Variants in VTI1A observed in about 807,000 individuals in gnomAD.
The protein encoded by VTI1A is vesicle transport through interaction with t-SNAREs homolog 1A.
In VTI1A, 22 loss-of-function variants were observed where a neutral mutation model predicts 34.9. The ratio of observed to expected loss-of-function variants is 0.63; its 90% CI spans 0.45 to 0.90. The LOEUF (loss-of-function observed/expected upper bound fraction) is 0.90, where lower values mean the gene tolerates loss of function less well. Among genes scored for constraint, VTI1A ranks in the 40% least tolerant of loss-of-function variants. VTI1A has a pLI of 0.00. For synonymous variants in VTI1A, 87 were observed against 97.3 expected, an observed-to-expected ratio of 0.89 and a Z score of 0.62; for missense variants, 268 against 275.6, an observed-to-expected ratio of 0.97 and a Z score of 0.20.
chr10:112,847,646 G>A, the VTI1A span, among the ~76,000 whole-genome samples: 1 of 152,186 alleles, frequency 6.6e-6, no homozygotes, highest in Non-Finnish European at 1.5e-5. Context: ...CCTTCTTGCT[G>A]CCAAGAAAGA....
At chr10:112,496,939 A>G (rs1849046400) in intron 3 of VTI1A, among the ~76,000 whole-genome samples, 1 of 152,232 alleles carries the variant, frequency 6.6e-6, no homozygotes, top group Admixed American at 6.5e-5. Flanking sequence ...CAAGCTAGCT[A>G]TTCTTTCTTT....
At chr10:112,738,018 A>T (rs1850559099) in intron 7 of VTI1A, 1 of 487,484 alleles carries the variant, frequency 2.1e-6, no homozygotes, top group Non-Finnish European at 2.7e-6. Flanking sequence ...TGTCTGGTTA[A>T]TGAAGTTTGG....
intron 5 of VTI1A, among the ~76,000 whole-genome samples, chr10:112,541,882 G>T (rs964085513): frequency 6.6e-6 from 1 of 152,182 alleles, no homozygotes; most frequent in Non-Finnish European, 1.5e-5. Context: ...TATTGATGAA[G>T]CTACAAGTTA....
In VTI1A at chr10:112,513,529, G is replaced by A. The variant is rs552117946; in HGVS notation, c.265-13558G>A. 3.9e-5 allele frequency among the ~76,000 whole-genome samples: 6 copies of A among 151,948 alleles called. No individual in the cohort carries two copies. In the East Asian group the frequency reaches 1.2e-3, roughly 29 times the overall value. On this transcript the variant is annotated intron_variant, in intron 3 of 7. Coordinates refer to ENST00000393077, the MANE Select transcript of VTI1A (RefSeq NM_145206.4). ...CTTTTCTGTTAGGATTCCTTTAATT[G>A]TTGTCTCTTGCCTAATTGCTGTGGC...
intron 5 of VTI1A, among the ~76,000 whole-genome samples, chr10:112,629,527 C>A (rs1188309950): frequency 6.6e-6 from 1 of 152,176 alleles, no homozygotes; most frequent in Non-Finnish European, 1.5e-5. Flanking sequence ...GTTAGGCTTC[C>A]CTTAGGAAGG....
intron 3 of VTI1A, among the ~76,000 whole-genome samples, chr10:112,494,443 T>A (rs1444795597): frequency 2.6e-5 from 4 of 152,200 alleles, no homozygotes; most frequent in Non-Finnish European, 5.9e-5. Context: ...GCTCTTCTTT[T>A]TCTAGCTTCT....
intron 4 of VTI1A, among the ~76,000 whole-genome samples, chr10:112,537,827 C>G (rs1049614936): frequency 6.6e-6 from 1 of 152,174 alleles, no homozygotes; most frequent in Non-Finnish European, 1.5e-5. Context: ...AAATTTCTAT[C>G]TGCAAGAATC....
intron 4 of VTI1A, among the ~76,000 whole-genome samples, chr10:112,530,022 G>A (rs554395414): frequency 1.4e-3 from 220 of 152,072 alleles, no homozygotes; most frequent in Non-Finnish European, 2.5e-3. Context: ...AAACATTTCT[G>A]CCATGATTAG....
At chr10:112,809,347 C>T (rs1430393446) in intron 7 of VTI1A, among the ~76,000 whole-genome samples, 1 of 152,226 alleles carries the variant, frequency 6.6e-6, no homozygotes, top group Non-Finnish European at 1.5e-5. Flanking sequence ...AAAGAGCTTT[C>T]CCTTGGCCCA....
chr10:112,638,349 A>T (rs1052995327), intron 5 of VTI1A, among the ~76,000 whole-genome samples: 4 of 152,240 alleles, frequency 2.6e-5, no homozygotes, highest in Non-Finnish European at 4.4e-5. Context: ...ATATGCTGAA[A>T]TGTTCAAAAG....
intron 3 of VTI1A, 108 bp from the exon 4 acceptor site, chr10:112,526,979 C>T (rs1007079660): frequency 5.3e-5 from 52 of 989,442 alleles, no homozygotes; most frequent in African/African-American, 1.6e-4. Flanking sequence ...AATAGGTTTC[C>T]ATTAGGGGGC....
At chr10:112,529,244 A>G (rs1277507973) in intron 4 of VTI1A, among the ~76,000 whole-genome samples, 2 of 152,160 alleles carry the variant, frequency 1.3e-5, no homozygotes, top group African/African-American at 4.8e-5. Context: ...AAGTTCAAAG[A>G]GACCACACTG....
At chr10:112,814,451 G>A (rs1853436412) in intron 7 of VTI1A, among the ~76,000 whole-genome samples, 1 of 152,160 alleles carries the variant, frequency 6.6e-6, no homozygotes, top group African/African-American at 2.4e-5. Context: ...GCATTCTGAT[G>A]TTCGACCTCT....
At position 112,668,254 on chromosome 10, in the gene VTI1A, A is replaced by G. The variant is rs753582779; in HGVS notation, c.464A>G (p.His155Arg). 22 of 1,612,604 alleles carry G rather than the reference A, an allele frequency of 1.4e-5. No homozygotes were observed. The South Asian group carries it at 1.9e-4, about 14-fold the overall frequency. The stretch of plus-strand genomic sequence containing the variant: ...CAGGAGATGTTGGAAAACCTTAGTC[A>G]TGACAGAGAAAAGATACAGCGAGCA... ...IGQEMLENLS[H>R]DREKIQRARE... Residue 155 changes from histidine to arginine, a missense_variant, in exon 6 of 8, where the codon CAT (histidine) becomes CGT (arginine). By Grantham distance (29) the His-to-Arg change is conservative (BLOSUM62 0). Coordinates refer to ENST00000393077, the MANE Select transcript of VTI1A (RefSeq NM_145206.4).
At chr10:112,467,103 C>T (rs1027196939) in intron 3 of VTI1A, among the ~76,000 whole-genome samples, 2 of 152,134 alleles carry the variant, frequency 1.3e-5, no homozygotes, top group Non-Finnish European at 2.9e-5. Context: ...TTAGAAGAGA[C>T]ACAATTCAGT....
intron 4 of VTI1A, among the ~76,000 whole-genome samples, chr10:112,534,906 T>C (rs1490964203): frequency 6.6e-6 from 1 of 152,184 alleles, no homozygotes; most frequent in Non-Finnish European, 1.5e-5. Flanking sequence ...CTTGAAAACC[T>C]CTATACGAAG....
chr10:112,748,726 C>T (rs1850997032), intron 7 of VTI1A, among the ~76,000 whole-genome samples: 1 of 148,846 alleles, frequency 6.7e-6, no homozygotes, highest in Non-Finnish European at 1.5e-5. Context: ...CCCGGGTTCA[C>T]GCCATTCTCC....
intron 3 of VTI1A, among the ~76,000 whole-genome samples, chr10:112,466,370 T>G (rs949570263): frequency 2.0e-5 from 3 of 152,142 alleles, no homozygotes; most frequent in Non-Finnish European, 2.9e-5. Flanking sequence ...TAAGTTGAGG[T>G]GGATCACATC....
chr10:112,693,223 A>G (rs1455248833), intron 7 of VTI1A, among the ~76,000 whole-genome samples: 2 of 152,234 alleles, frequency 1.3e-5, no homozygotes, highest in African/African-American at 2.4e-5. Context: ...AAGAAGTTAA[A>G]TGATTTAAAT....
Sources: allele counts gnomAD v4.1 joint callset (sites outside exome capture counted in the v4.1 genomes callset), GRCh38; gene constraint gnomAD v4.1.1; transcripts MANE v1.5; gene names NCBI Gene and HGNC (gene_info 2026-07-23, HGNC 2026-07-21).